The following LACTB variants were observed in gnomAD, a reference collection of about 807,000 sequenced individuals.
LACTB encodes lactamase beta.
A neutral mutation model predicts 50.2 loss-of-function variants in LACTB; 35 were observed. The observed-to-expected ratio is 0.70, with a 90% confidence interval of 0.53 to 0.92. LACTB has a LOEUF of 0.92. Among genes scored for constraint, LACTB ranks in the 40% least tolerant of loss-of-function variants. The pLI is 0.00. For missense variants in LACTB, 664 were observed against 691.8 expected (o/e 0.96, Z 0.45); for synonymous variants, 252 against 268.2 (o/e 0.94, Z 0.59).
At chr15:63,134,812 A>AT (rs140770068) in intron 5 of LACTB, among the ~76,000 whole-genome samples, 2 of 148,614 alleles carry the variant, frequency 1.3e-5, no homozygotes, top group Admixed American at 1.4e-4. Context: ...TGTGTGTGTG[A>AT]TGTGTGTGTG....
intron 4 of LACTB, 33 bp downstream of exon 4, chr15:63,127,722 T>A: frequency 7.4e-7 from 1 of 1,356,764 alleles, no homozygotes; most frequent in Non-Finnish European, 1.0e-6. Context: ...AACAAAATCA[T>A]CATTACTGAA....
chr15:63,136,544 T>TA (rs1199181238), intron 5 of LACTB, among the ~76,000 whole-genome samples: 2 of 152,192 alleles, frequency 1.3e-5, no homozygotes, highest in Non-Finnish European at 2.9e-5. Flanking sequence ...GAAATATTGT[T>TA]ACCTAGGAAA....
At chr15:63,140,654 G>T (rs930153322) in intron 5 of LACTB, among the ~76,000 whole-genome samples, 2 of 152,036 alleles carry the variant, frequency 1.3e-5, no homozygotes, top group African/African-American at 4.8e-5. Flanking sequence ...ATTTTGTTTA[G>T]AATTTTTTTT....
At position 63,122,618 on chromosome 15, in the gene LACTB, T is replaced by C; in HGVS notation, c.358-18T>C. The C allele has an allele frequency of 6.2e-7, 1 of 1,606,188 alleles. No homozygotes were observed. Among genetic ancestry groups the C allele is most frequent in the Middle Eastern group, 1.7e-4 (1 of 6,048 alleles). ...TCAGCAGGCCCGTAACTGTCGGTTCTTTCCCCTTCGGTCTTAGGATGAGGT... is the reference window on the plus strand; with the variant it reads ...TCAGCAGGCCCGTAACTGTCGGTTCCTTCCCCTTCGGTCTTAGGATGAGGT... On this transcript the variant is annotated intron_variant, in intron 1 of 5. Coordinates refer to ENST00000261893, the MANE Select transcript of LACTB (RefSeq NM_032857.5).
At chr15:63,126,815 C>G (rs756700645) in intron 2 of LACTB, 44 bp from the exon 3 acceptor site, 6 of 1,257,902 alleles carry the variant, frequency 4.8e-6, no homozygotes, top group Non-Finnish European at 6.5e-6. Context: ...CTTGTTTGAC[C>G]ATGAAGCCTG....
At chr15:63,140,979 A>G (rs1416789912) in intron 5 of LACTB, 11 of 982,996 alleles carry the variant, frequency 1.1e-5, no homozygotes, top group Non-Finnish European at 1.2e-6. Context: ...CATGTGTAAT[A>G]TTAACCAATA....
At chr15:63,129,716 T>G (rs2037104622) in intron 5 of LACTB, 66 bp downstream of exon 5, 3 of 1,362,660 alleles carry the variant, frequency 2.2e-6, no homozygotes, top group Non-Finnish European at 2.8e-6. Flanking sequence ...TAATTAAAAG[T>G]CAAATTTTCT....
At position 63,126,381 on chromosome 15, in the gene LACTB, A is replaced by G. The variant is rs114865792; in HGVS notation, c.425-478A>G. 9.3e-3 allele frequency among the ~76,000 whole-genome samples: 1,411 copies of G among 152,292 alleles called. 25 individuals carry two copies. Among genetic ancestry groups the G allele is most frequent in the African/African-American group, 0.031 (1,307 of 41,574 alleles). ...AGTCTTGAACTCCCAATCTCAGGTG[A>G]TCTGCTCACCTTGGCCACCCAAAGT... On this transcript the variant is annotated intron_variant, in intron 2 of 5. Transcript: ENST00000261893.
rs1434681792 is a variant in LACTB at position 63,122,085 on chromosome 15, C to A, written c.214C>A (p.Pro72Thr). The change falls in exon 1 of 6, where the codon CCC (proline) becomes ACC (threonine). Residue 72 changes from proline (P) to threonine (T), a missense_variant. Physicochemically the swap from Pro to Thr is conservative, Grantham distance 38 (BLOSUM62 -1). Transcript: ENST00000261893. The part of the protein sequence containing the change: ...GAAPAQSPAA[P>T]DPEASPLAEP... ...GGCCCCGGCGCAGTCCCCCGCGGCC[C>A]CCGACCCTGAGGCGTCGCCTCTGGC... 2 of 1,461,668 alleles carry A rather than the reference C, an allele frequency of 1.4e-6. No homozygotes were observed. Among genetic ancestry groups the A allele is most frequent in the Non-Finnish European group, 1.8e-6 (2 of 1,115,494 alleles). The allele number at this position is 1,461,668 out of a possible 1,614,324, so 90.5% of individuals were successfully genotyped here.
At chr15:63,124,491 G>C (rs892751989) in intron 2 of LACTB, among the ~76,000 whole-genome samples, 1 of 152,102 alleles carries the variant, frequency 6.6e-6, no homozygotes, top group Non-Finnish European at 1.5e-5. Flanking sequence ...TTTTAACCAG[G>C]TAGAGGTGTC....
At chr15:63,134,781 TTC>T (rs1179559208) in intron 5 of LACTB, among the ~76,000 whole-genome samples, 1 of 151,378 alleles carries the variant, frequency 6.6e-6, no homozygotes, top group Non-Finnish European at 1.5e-5. Context: ...TCCATAAAAC[TTC>T]TGTTTTAGAA....
intron 4 of LACTB, among the ~76,000 whole-genome samples, chr15:63,127,932 T>C (rs1226186023): frequency 6.6e-6 from 1 of 152,234 alleles, no homozygotes; most frequent in Admixed American, 6.5e-5. Flanking sequence ...AAGATGTTCA[T>C]GCAAACTTAT....
At chr15:63,134,622 T>A (rs1195904934) in intron 5 of LACTB, among the ~76,000 whole-genome samples, 1 of 152,208 alleles carries the variant, frequency 6.6e-6, no homozygotes, top group Non-Finnish European at 1.5e-5. Context: ...TGGCAAAAAC[T>A]TAGCTGTATG....
intron 5 of LACTB, chr15:63,130,055 A>AC (rs1485281829): frequency 2.6e-5 from 4 of 153,914 alleles, no homozygotes; most frequent in African/African-American, 9.6e-5. Flanking sequence ...CAAAGGATTC[A>AC]CATATCCTCT....
chr15:63,126,679 C>T (rs2037057136), intron 2 of LACTB, among the ~76,000 whole-genome samples, 180 bp from the exon 3 acceptor site: 1 of 152,132 alleles, frequency 6.6e-6, no homozygotes, highest in African/African-American at 2.4e-5. Flanking sequence ...AATTGTTAGG[C>T]TTACCGATAT....
chr15:63,137,296 A>C (rs2037187159), intron 5 of LACTB, among the ~76,000 whole-genome samples: 1 of 152,194 alleles, frequency 6.6e-6, no homozygotes, highest in Non-Finnish European at 1.5e-5. Flanking sequence ...AAGACACTCA[A>C]TTTGTTGATA....
At chr15:63,139,192 T>TA (rs1166943709) in intron 5 of LACTB, among the ~76,000 whole-genome samples, 2,601 of 125,774 alleles carry the variant, frequency 0.021, 67 homozygotes, top group South Asian at 0.062. Context: ...CTACTAAAAA[T>TA]CCAAAAAAAA....
At chr15:63,133,492 C>T (rs1194889594) in intron 5 of LACTB, among the ~76,000 whole-genome samples, 6 of 152,022 alleles carry the variant, frequency 3.9e-5, no homozygotes, top group African/African-American at 1.2e-4. Context: ...GGCATAGTAG[C>T]GCACACCTGC....
chr15:63,141,006 A>G (rs1474307338), intron 5 of LACTB: 2 of 984,870 alleles, frequency 2.0e-6, no homozygotes, highest in African/African-American at 1.7e-5. Flanking sequence ...TGCAGGTATT[A>G]AAGGTTTGAT....
Sources: allele counts gnomAD v4.1 joint callset (sites outside exome capture counted in the v4.1 genomes callset), GRCh38; gene constraint gnomAD v4.1.1; transcripts MANE v1.5; gene names NCBI Gene and HGNC (gene_info 2026-07-23, HGNC 2026-07-21).